The following FSD1 variants were observed in gnomAD, a reference collection of about 807,000 sequenced individuals.
FSD1 encodes the protein fibronectin type III and SPRY domain containing 1, also known as fibronectin type III and SPRY domain-containing protein 1.
In FSD1, 23 loss-of-function variants were observed where a neutral mutation model predicts 58.2. The ratio of observed to expected loss-of-function variants is 0.40; its 90% confidence interval spans 0.28 to 0.56. FSD1 has a LOEUF of 0.56. Ranked by LOEUF, FSD1 falls within the 20% of genes least tolerant of loss-of-function variation. The probability of loss-of-function intolerance (pLI) is 0.54; values close to 1 mark genes in which losing one functional copy is unlikely to be tolerated. For missense variants in FSD1, 563 were observed against 670.8 expected (o/e 0.84, Z 1.78); for synonymous variants, 265 against 263.4 (o/e 1.01, Z -0.06).
Position 4,305,963 on chromosome 19 carries a change from C to A in FSD1, c.33C>A (p.Ile11=), listed in dbSNP as rs759497212. 98 of 1,613,864 alleles carry A rather than the reference C, an allele frequency of 6.1e-5. No homozygotes were observed. The highest frequency in any genetic ancestry group is 8.0e-5 in the Non-Finnish European group (94 of 1,179,884). ...TGGTGCAGGAGGCCCTGAGGAAGAT[C>A]ATCAAAACACTGGCTGTGAAGAATG... The part of the protein sequence containing the change: MEEQREALRK[I]IKTLAVKNEE... The change falls in exon 2 of 13, where the codon ATC becomes ATA. Residue 11 remains isoleucine, a synonymous_variant. Coordinates refer to ENST00000221856, the MANE Select transcript of FSD1 (RefSeq NM_024333.3).
intron 7 of FSD1, among the ~76,000 whole-genome samples, chr19:4,315,590 G>C (rs1197941587): frequency 6.8e-6 from 1 of 147,306 alleles, no homozygotes; most frequent in Non-Finnish European, 1.5e-5. Context: ...TTACAGGCGT[G>C]AGCCACCGTG....
chr19:4,319,778 G>A (rs78350520), intron 10 of FSD1, among the ~76,000 whole-genome samples: 7,635 of 152,124 alleles, frequency 0.05, 205 homozygotes, highest in Middle Eastern at 0.11. Context: ...TGGATAATTT[G>A]TGGTGTGGGG....
At chr19:4,321,600 C>T (rs1339391729) in intron 10 of FSD1, among the ~76,000 whole-genome samples, 1 of 151,102 alleles carries the variant, frequency 6.6e-6, no homozygotes, top group Non-Finnish European at 1.5e-5. Flanking sequence ...TGGCTCAAGC[C>T]AGAGAAGTAT....
At position 4,323,442 on chromosome 19, in the gene FSD1, C is replaced by T. The variant is rs757002741; in HGVS notation, c.1380+6C>T. 1.3e-5 allele frequency: 21 copies of T among 1,612,120 alleles called. No individual in the cohort carries two copies. In the East Asian group the frequency reaches 4.2e-4, roughly 33 times the overall value. The stretch of plus-strand genomic sequence containing the variant: ...CGCTGCTGCCTGCTTTCACGGTGAG[C>T]TGCCCTCCGCGGCCCAGGGGGAGGA... On this transcript the variant is annotated splice_donor_region_variant and intron_variant, in intron 12 of 12. Coordinates refer to ENST00000221856, the MANE Select transcript of FSD1 (RefSeq NM_024333.3). The surrounding 1 kb of genome is among the most constrained non-coding windows in gnomAD (Gnocchi z 7.7).
chr19:4,306,092 G>C (rs1197014443), intron 2 of FSD1, 51 bp downstream of exon 2: 1 of 1,605,368 alleles, frequency 6.2e-7, no homozygotes, highest in South Asian at 1.1e-5. Context: ...GAGGAAGCTG[G>C]AGGGTGCAGC....
At chr19:4,306,169 T>A (rs1971618890) in intron 2 of FSD1, 29 bp from the exon 3 acceptor site, 1 of 1,613,696 alleles carries the variant, frequency 6.2e-7, no homozygotes, top group South Asian at 1.1e-5. Flanking sequence ...GAACACGGGC[T>A]TTGGCCGATT....
chr19:4,318,407 C>T lies in FSD1; in HGVS notation c.861C>T (p.Ser287=), dbSNP rs763117398. The change falls in exon 9 of 13, where the codon TCC becomes TCT. Residue 287 remains serine, a synonymous_variant. Coordinates refer to ENST00000221856, the MANE Select transcript of FSD1 (RefSeq NM_024333.3). ...AGAACCTGCGGGTGGATGATCTCTC[C>T]GTGGAGTGGGACGCTATGGGCGGGA... ...SHQNLRVDDL[S]VEWDAMGGKV... is the part of the protein sequence containing the mutation. 35 of 1,613,726 alleles carry T rather than the reference C, an allele frequency of 2.2e-5. No homozygotes were observed. Among genetic ancestry groups the T allele is most frequent in the African/African-American group, 6.7e-5 (5 of 74,872 alleles).
chr19:4,314,040 GA>G (rs375340698), intron 7 of FSD1, among the ~76,000 whole-genome samples: 2 of 149,310 alleles, frequency 1.3e-5, no homozygotes, highest in Admixed American at 6.7e-5. Context: ...AAAAAAAAAA[GA>G]AAAAAAAAGC....
intron 4 of FSD1, among the ~76,000 whole-genome samples, chr19:4,309,873 C>T (rs548758376): frequency 1.4e-5 from 2 of 148,002 alleles, no homozygotes; most frequent in East Asian, 2.0e-4. Context: ...CGTGCCACTG[C>T]ACTCCAGCCT....
chr19:4,310,379 C>CA lies in FSD1; in HGVS notation c.368+85dup. 2.7e-5 allele frequency: 44 copies of CA among 1,610,164 alleles called. 1 individual carries two copies. In the South Asian group the frequency reaches 4.6e-4, roughly 17 times the overall value. On this transcript the variant is annotated intron_variant, in intron 5 of 12. Transcript: ENST00000221856. ...GCCACCTGGTGAGGGTGTCTCATCT[C>CA]AGAGCCCTGGACGGGAGCCCTGGGG...
intron 1 of FSD1, among the ~76,000 whole-genome samples, chr19:4,305,105 T>C (rs1481828225): frequency 6.9e-4 from 43 of 62,416 alleles, no homozygotes; most frequent in African/African-American, 2.5e-3. Flanking sequence ...CCCCGCCAGC[T>C]CCGCAGTGCG....
At chr19:4,308,273 T>C (rs1164829523) in intron 4 of FSD1, among the ~76,000 whole-genome samples, 1 of 151,440 alleles carries the variant, frequency 6.6e-6, no homozygotes, top group Non-Finnish European at 1.5e-5. Context: ...CTGGATGTGG[T>C]GGTGGGCGCC....
intron 7 of FSD1, among the ~76,000 whole-genome samples, chr19:4,312,273 G>C (rs1414377929): frequency 6.6e-6 from 1 of 152,000 alleles, no homozygotes. Flanking sequence ...TGGATCGCCT[G>C]AGGTCAGGAG....
intron 8 of FSD1, 33 bp from the exon 9 acceptor site, chr19:4,318,313 A>T (rs1471874103): frequency 6.2e-7 from 1 of 1,612,748 alleles, no homozygotes; most frequent in Non-Finnish European, 8.5e-7. Flanking sequence ...GGGTTTCCCC[A>T]TCTCTGTGAC....
chr19:4,322,088 G>A (rs578057759), intron 10 of FSD1, among the ~76,000 whole-genome samples: 17 of 138,478 alleles, frequency 1.2e-4, no homozygotes, highest in African/African-American at 3.8e-4. Flanking sequence ...GATTATCGGG[G>A]GGAATAGCTG....
At chr19:4,306,354 T>C in intron 3 of FSD1, 25 bp downstream of exon 3, 3 of 1,610,400 alleles carry the variant, frequency 1.9e-6, no homozygotes, top group Non-Finnish European at 1.7e-6. Context: ...CATCTTCCTC[T>C]CCCCCCGCCC....
chr19:4,316,664 G>A (rs984586028), intron 7 of FSD1, among the ~76,000 whole-genome samples: 10 of 152,118 alleles, frequency 6.6e-5, no homozygotes, highest in African/African-American at 2.2e-4. Flanking sequence ...GGTCTACGTG[G>A]GTTGGAGGTG....
intron 10 of FSD1, among the ~76,000 whole-genome samples, chr19:4,321,045 T>C (rs1045099529): frequency 8.2e-6 from 1 of 121,298 alleles, no homozygotes; most frequent in Admixed American, 9.1e-5. Flanking sequence ...TGGAGGGGAA[T>C]CGCTGGGACT....
Position 4,306,049 on chromosome 19 carries a change from C to T in FSD1, c.111+8C>T, listed in dbSNP as rs771843842. 3.1e-6 allele frequency: 5 copies of T among 1,611,048 alleles called. No individual in the cohort carries two copies. The highest frequency in any genetic ancestry group is 2.2e-5 in the South Asian group (2 of 91,006). On this transcript the variant is annotated splice_region_variant and intron_variant, in intron 2 of 12. Transcript: ENST00000221856. ...ATGCTGCTGAACGTGGAGGTGAAGG[C>T]GGTGGGGCAGTCCTGGGGAGGTAAG... is the stretch of plus-strand genomic sequence containing the variant.
Sources: allele counts gnomAD v4.1 joint callset (sites outside exome capture counted in the v4.1 genomes callset), GRCh38; gene constraint gnomAD v4.1.1; non-coding constraint Gnocchi (gnomAD v3.1); transcripts MANE v1.5; gene names NCBI Gene and HGNC (gene_info 2026-07-23, HGNC 2026-07-21).